The following MCF2L variants were observed in gnomAD, a reference collection of about 807,000 sequenced individuals.
MCF2L encodes the protein guanine nucleotide exchange factor DBS.
Under a neutral mutation model 153.4 loss-of-function variants are expected in MCF2L, and 97 were observed. The observed-to-expected ratio is 0.63, with a 90% CI of 0.54 to 0.75. The LOEUF (loss-of-function observed/expected upper bound fraction) is 0.75, where lower values mean the gene tolerates loss of function less well. Ranked by LOEUF, MCF2L falls within the 30% of genes least tolerant of loss-of-function variation. The pLI, the probability that MCF2L is intolerant of heterozygous loss-of-function variation, is 0.00. For synonymous variants in MCF2L, 659 were observed against 632.2 expected, an observed-to-expected ratio of 1.04 and a Z score of -0.64; for missense variants, 1,347 against 1,495.2, an observed-to-expected ratio of 0.90 and a Z score of 1.64.
intron 5 of MCF2L, among the ~76,000 whole-genome samples, chr13:113,063,094 G>A (rs1310639626): frequency 6.6e-6 from 1 of 152,232 alleles, no homozygotes; most frequent in Non-Finnish European, 1.5e-5. Context: ...GCCATCACAG[G>A]CCGCACTCGT....
intron 2 of MCF2L, among the ~76,000 whole-genome samples, chr13:112,911,303 G>A (rs956433154): frequency 6.6e-6 from 1 of 152,220 alleles, no homozygotes; most frequent in Non-Finnish European, 1.5e-5. Context: ...TCTGGCTGGC[G>A]GAGCCCTGTG....
At chr13:112,939,821 A>C (rs557350699) in intron 2 of MCF2L, among the ~76,000 whole-genome samples, 54 of 152,140 alleles carry the variant, frequency 3.5e-4, no homozygotes, top group Admixed American at 9.2e-4. Flanking sequence ...CTATGCAAAA[A>C]ATTAGCTGGG....
intron 2 of MCF2L, among the ~76,000 whole-genome samples, chr13:112,929,166 A>AT (rs1171987630): frequency 5.3e-5 from 8 of 152,252 alleles, no homozygotes; most frequent in African/African-American, 1.9e-4. Flanking sequence ...CTGTTGGCTC[A>AT]TTTTGCCTTT....
chr13:112,956,558 TGAG>T (rs1394809432), intron 2 of MCF2L: 2 of 152,276 alleles, frequency 1.3e-5, no homozygotes, highest in Admixed American at 6.5e-5. Context: ...CCACGGATGA[TGAG>T]GAGGCAGAGT....
chr13:113,041,061 C>T (rs2086454507), intron 3 of MCF2L: 1 of 152,276 alleles, frequency 6.6e-6, no homozygotes. Context: ...AGGGCAGCCC[C>T]TCCAAGGCCA....
At chr13:112,956,810 C>T (rs1258332154) in intron 2 of MCF2L, 2 of 152,304 alleles carry the variant, frequency 1.3e-5, no homozygotes, top group East Asian at 3.8e-4. Flanking sequence ...ACTCCTTAAA[C>T]TCTCCTGACC....
intron 2 of MCF2L, among the ~76,000 whole-genome samples, chr13:112,927,830 C>T (rs1045374310): frequency 6.6e-6 from 1 of 152,106 alleles, no homozygotes; most frequent in Admixed American, 6.5e-5. Context: ...TGACAAATGA[C>T]CTGGTTTCTC....
chr13:113,038,355 C>G (rs1427293376), intron 3 of MCF2L, among the ~76,000 whole-genome samples: 2 of 151,714 alleles, frequency 1.3e-5, no homozygotes, highest in African/African-American at 4.8e-5. Context: ...GTCCCAGCTA[C>G]TCGGGAGGCT....
Position 113,031,744 on chromosome 13 carries a change from A to G in MCF2L, c.278+6986A>G, listed in dbSNP as rs565348016. Reference sequence around the variant, plus strand: ...TCCATGGGCCTGGCTCAAAGCTCCCAGCTCCTTGGGAGGTAGGGACTCCAT... The same window carrying G: ...TCCATGGGCCTGGCTCAAAGCTCCCGGCTCCTTGGGAGGTAGGGACTCCAT... On this transcript the variant is annotated intron_variant, in intron 3 of 29. Coordinates refer to ENST00000535094, the MANE Select transcript of MCF2L (RefSeq NM_001112732.3). The surrounding 1 kb of genome is among the most constrained non-coding windows in gnomAD (Gnocchi z 5.5). Among the ~76,000 whole-genome samples, 676 of 152,172 alleles carry G rather than the reference A, an allele frequency of 4.4e-3. 23 individuals are homozygous for G. The East Asian group carries it at 0.091, about 21-fold the overall frequency.
At position 113,028,847 on chromosome 13, in the gene MCF2L, G is replaced by GGT. The variant is rs1263836449; in HGVS notation, c.278+4097_278+4098dup. The stretch of plus-strand genomic sequence containing the variant: ...TGTGGTGTGTGTGGGGTGAGTGTGT[G>GGT]GTGTGTGTGGCGTGTGCGGGGTGTG... On this transcript the variant is annotated intron_variant, in intron 3 of 29. Coordinates refer to ENST00000535094, the MANE Select transcript of MCF2L (RefSeq NM_001112732.3). The surrounding 1 kb of genome is among the most constrained non-coding windows in gnomAD (Gnocchi z 5.4). 6.6e-6 allele frequency among the ~76,000 whole-genome samples: 1 copy of GGT among 151,224 alleles called. No individual in the cohort carries two copies. The highest frequency in any genetic ancestry group is 1.5e-5 in the Non-Finnish European group (1 of 67,760).
rs745362886 is a variant in MCF2L at position 113,084,921 on chromosome 13, C to T, written c.2091C>T (p.Tyr697=). The T allele has an allele frequency of 6.2e-7, 1 of 1,614,018 alleles. No individual in the cohort carries two copies. The highest frequency in any genetic ancestry group is 8.5e-7 in the Non-Finnish European group (1 of 1,179,978). ...RMEDFQIYEK[Y]CQNKPRSESL... ...AAGATTTCCAGATCTATGAGAAGTA[C>T]TGTCAGAACAAGCCCCGCTCTGAGA... is the stretch of plus-strand genomic sequence containing the variant. Residue 697 remains tyrosine, a synonymous_variant, in exon 19 of 30, where the codon TAC becomes TAT. Coordinates refer to ENST00000535094, the MANE Select transcript of MCF2L (RefSeq NM_001112732.3).
intron 1 of MCF2L, among the ~76,000 whole-genome samples, chr13:112,972,844 AAT>A (rs1175098911): frequency 3.3e-4 from 44 of 131,450 alleles, no homozygotes; most frequent in Non-Finnish European, 6.6e-4. Context: ...TGGATGGATG[AAT>A]GGATGGATGG....
Position 113,028,758 on chromosome 13 carries a change from G to A in MCF2L, c.278+4000G>A, listed in dbSNP as rs2085461894. 6.6e-6 allele frequency among the ~76,000 whole-genome samples: 1 copy of A among 152,200 alleles called. No homozygotes were observed. Among genetic ancestry groups the A allele is most frequent in the Non-Finnish European group, 1.5e-5 (1 of 68,028 alleles). ...GAGCAGTGCTGCTGACCGTGGAGCTGTTTCCCCCACCAGACTCAGTGTGGG... is the reference window on the plus strand; with the variant it reads ...GAGCAGTGCTGCTGACCGTGGAGCTATTTCCCCCACCAGACTCAGTGTGGG... On this transcript the variant is annotated intron_variant, in intron 3 of 29. Transcript: ENST00000535094. The surrounding 1 kb of genome is among the most constrained non-coding windows in gnomAD (Gnocchi z 5.4).
rs765385173 is a variant in MCF2L at position 113,060,642 on chromosome 13, G to GT, written c.425dup (p.Gln143ProfsTer13). On this transcript the variant is annotated frameshift_variant, in exon 5 of 30. Transcript: ENST00000535094. LOFTEE classifies it high-confidence loss of function. Reference sequence around the variant, plus strand: ...CTCGTCCTCGTGCTTCGCCCGACGGGTTTTTTCCAAAGGACTCTCTCCGAC... The same window carrying GT: ...CTCGTCCTCGTGCTTCGCCCGACGGGTTTTTTTCCAAAGGACTCTCTCCGAC... 2 of 1,613,678 alleles carry GT rather than the reference G, an allele frequency of 1.2e-6. No individual in the cohort carries two copies. The highest frequency in any genetic ancestry group is 1.1e-5 in the South Asian group (1 of 91,084).
intron 2 of MCF2L, among the ~76,000 whole-genome samples, chr13:113,017,690 G>T (rs989713130): frequency 6.6e-6 from 1 of 151,896 alleles, no homozygotes; most frequent in Non-Finnish European, 1.5e-5. Flanking sequence ...TCCCTGTCTC[G>T]CTCCACTCGA....
chr13:112,953,399 T>C (rs982198206), intron 2 of MCF2L, among the ~76,000 whole-genome samples: 4 of 152,142 alleles, frequency 2.6e-5, no homozygotes, highest in African/African-American at 9.7e-5. Context: ...GAGGGGCTCC[T>C]CGGTGAGAGG....
chr13:113,075,472 C>T (rs886998242), intron 11 of MCF2L, among the ~76,000 whole-genome samples: 12 of 151,696 alleles, frequency 7.9e-5, no homozygotes, highest in Admixed American at 6.6e-5. Flanking sequence ...ACTGTAGGTG[C>T]ATGCCACCGT....
In MCF2L at chr13:112,950,615, A is replaced by G. The variant is rs139101023; in HGVS notation, c.169+48244A>G. Reference sequence around the variant, plus strand: ...GATTTTTGACAGAGATGTAAAATCAATTCAGTGGAAGAAAGATAGTCTTTT... The same window carrying G: ...GATTTTTGACAGAGATGTAAAATCAGTTCAGTGGAAGAAAGATAGTCTTTT... On this transcript the variant is annotated intron_variant, in intron 2 of 29. Coordinates refer to the MCF2L transcript ENST00000375608. Among the ~76,000 whole-genome samples, 189 of 152,352 alleles carry G rather than the reference A, an allele frequency of 1.2e-3. 1 individual carries two copies. In the East Asian group the frequency reaches 0.027, roughly 22 times the overall value.
chr13:113,064,544 C>T lies in MCF2L; in HGVS notation c.606+124C>T. 1.5e-6 allele frequency: 1 copy of T among 675,308 alleles called. No individual in the cohort carries two copies. The highest frequency in any genetic ancestry group is 2.6e-6 in the Non-Finnish European group (1 of 378,876). The allele number at this position is 675,308 out of a possible 1,614,324, so 41.8% of individuals were successfully genotyped here. On this transcript the variant is annotated intron_variant, in intron 6 of 29. Transcript: ENST00000535094. This position sits in a 1 kb window ranked among gnomAD's most constrained non-coding sequence, Gnocchi z 6.0. ...TCACATTAACAGTCGTTTTCTTTCC[C>T]AAGAATGAGGAGATGGTCTCAGTGG... is the stretch of plus-strand genomic sequence containing the variant.
Sources: allele counts gnomAD v4.1 joint callset (sites outside exome capture counted in the v4.1 genomes callset), GRCh38; gene constraint gnomAD v4.1.1; non-coding constraint Gnocchi (gnomAD v3.1); transcripts MANE v1.5; gene names NCBI Gene and HGNC (gene_info 2026-07-23, HGNC 2026-07-21).